The following CDK14 variants were observed in gnomAD, a reference collection of about 807,000 sequenced individuals.
CDK14 encodes cyclin dependent kinase 14, also known as cyclin-dependent kinase 14.
Under a neutral mutation model 60.7 loss-of-function variants are expected in CDK14, and 34 were observed. That is an observed-to-expected ratio of 0.56 (90% CI 0.43 to 0.75). CDK14 has a LOEUF of 0.75. Among genes scored for constraint, CDK14 ranks in the 30% least tolerant of loss-of-function variants. The probability of loss-of-function intolerance (pLI) is 0.00; values close to 1 mark genes in which losing one functional copy is unlikely to be tolerated. For synonymous variants in CDK14, 197 were observed against 203.7 expected (o/e 0.97, Z 0.28); for missense variants, 482 against 564.1 (o/e 0.85, Z 1.47).
At chr7:90,610,215 C>T (rs1166446322) in intron 2 of CDK14, among the ~76,000 whole-genome samples, 1 of 152,180 alleles carries the variant, frequency 6.6e-6, no homozygotes, top group Non-Finnish European at 1.5e-5. Flanking sequence ...TCCTCAATGG[C>T]CTTACCCCTT....
At chr7:91,006,920 A>T (rs1584223595) in intron 10 of CDK14, among the ~76,000 whole-genome samples, 1 of 152,000 alleles carries the variant, frequency 6.6e-6, no homozygotes, top group Non-Finnish European at 1.5e-5. Flanking sequence ...TATTTATCCC[A>T]CCTATTCCTG....
intron 4 of CDK14, among the ~76,000 whole-genome samples, chr7:90,774,031 G>T (rs973595422): frequency 6.6e-6 from 1 of 151,242 alleles, no homozygotes; most frequent in Non-Finnish European, 1.5e-5. Flanking sequence ...AGACTCCAGA[G>T]TAGCTGGAAT....
At chr7:91,179,263 C>G (rs1801903995) in intron 14 of CDK14, among the ~76,000 whole-genome samples, 2 of 148,498 alleles carry the variant, frequency 1.3e-5, no homozygotes, top group Non-Finnish European at 3.0e-5. Flanking sequence ...AACAAAAAAC[C>G]AAACCCCGCA....
intron 3 of CDK14, among the ~76,000 whole-genome samples, chr7:90,745,935 G>A (rs542159055): frequency 8.5e-5 from 13 of 152,282 alleles, no homozygotes; most frequent in African/African-American, 3.1e-4. Context: ...ACAGCTTGGG[G>A]GATGGGGAGA....
At chr7:91,057,343 G>C (rs901744994) in intron 11 of CDK14, among the ~76,000 whole-genome samples, 8,860 of 151,806 alleles carry the variant, frequency 0.058, 373 homozygotes, top group Middle Eastern at 0.16. Flanking sequence ...AATTTTCTCC[G>C]ATGCTGTAGG....
At chr7:91,084,797 T>C (rs973905107) in intron 12 of CDK14, among the ~76,000 whole-genome samples, 4 of 152,230 alleles carry the variant, frequency 2.6e-5, no homozygotes, top group Non-Finnish European at 4.4e-5. Context: ...GCCATTGCTT[T>C]TCATCCTTTC....
intron 5 of CDK14, among the ~76,000 whole-genome samples, chr7:90,798,682 C>T (rs1788527506): frequency 6.6e-6 from 1 of 152,220 alleles, no homozygotes; most frequent in South Asian, 2.1e-4. Flanking sequence ...GCGTAATTTT[C>T]ACCTCAAGTG....
chr7:90,757,208 C>CTGTGTGTGTG (rs1804100459), intron 4 of CDK14, among the ~76,000 whole-genome samples: 1 of 86,312 alleles, frequency 1.2e-5, no homozygotes, highest in Non-Finnish European at 2.5e-5. Context: ...GGCATTCTTC[C>CTGTGTGTGTG]AGTGTGTGTG....
intron 10 of CDK14, among the ~76,000 whole-genome samples, chr7:91,023,707 G>T (rs1447374245): frequency 6.6e-6 from 1 of 152,092 alleles, no homozygotes; most frequent in South Asian, 2.1e-4. Flanking sequence ...TGGGAAACAG[G>T]TGTTATCATT....
chr7:90,845,866 C>G (rs1790454349), intron 5 of CDK14, among the ~76,000 whole-genome samples: 4 of 152,114 alleles, frequency 2.6e-5, no homozygotes, highest in Admixed American at 6.6e-5. Flanking sequence ...TAGCTGTTCT[C>G]TTAAGCTCTC....
chr7:90,762,369 T>C (rs1804351903), intron 4 of CDK14, among the ~76,000 whole-genome samples: 1 of 152,168 alleles, frequency 6.6e-6, no homozygotes, highest in African/African-American at 2.4e-5. Context: ...CTCCCTCAAG[T>C]TGTAAGTAGG....
At chr7:90,783,578 C>A (rs1805436171) in intron 4 of CDK14, among the ~76,000 whole-genome samples, 1 of 152,010 alleles carries the variant, frequency 6.6e-6, no homozygotes, top group African/African-American at 2.4e-5. Context: ...AACAAAAATC[C>A]CCCCAAACCC....
chr7:90,875,037 G>A (rs1017944990), intron 6 of CDK14, among the ~76,000 whole-genome samples: 3 of 152,002 alleles, frequency 2.0e-5, no homozygotes, highest in Admixed American at 2.0e-4. Flanking sequence ...CTAACCCCCT[G>A]CTCCTGAACC....
intron 8 of CDK14, among the ~76,000 whole-genome samples, chr7:90,952,418 C>G (rs1794290197): frequency 6.6e-6 from 1 of 152,158 alleles, no homozygotes; most frequent in Non-Finnish European, 1.5e-5. Flanking sequence ...ATCCAAGATT[C>G]TGCTATGCTA....
chr7:91,198,000 A>T (rs1802601617), intron 14 of CDK14, among the ~76,000 whole-genome samples: 1 of 152,226 alleles, frequency 6.6e-6, no homozygotes, highest in African/African-American at 2.4e-5. Flanking sequence ...TGAAGCAGGT[A>T]CATGGGAGGG....
chr7:90,713,261 T>C (rs1802128909), intron 2 of CDK14, among the ~76,000 whole-genome samples: 1 of 152,138 alleles, frequency 6.6e-6, no homozygotes, highest in Non-Finnish European at 1.5e-5. Context: ...TCATTTATTT[T>C]CTGTCGACCA....
At chr7:90,875,238 T>G (rs1445321584) in intron 6 of CDK14, among the ~76,000 whole-genome samples, 1 of 152,242 alleles carries the variant, frequency 6.6e-6, no homozygotes, top group African/African-American at 2.4e-5. Context: ...GGATATACAT[T>G]TTATCTATTT....
chr7:91,155,508 T>C (rs1379128670), intron 14 of CDK14, among the ~76,000 whole-genome samples: 1 of 152,246 alleles, frequency 6.6e-6, no homozygotes, highest in Non-Finnish European at 1.5e-5. Context: ...TAGAATTCTT[T>C]TTATTCCATT....
At chr7:90,597,878 T>C (rs1487696792) in intron 1 of CDK14, among the ~76,000 whole-genome samples, 1 of 150,112 alleles carries the variant, frequency 6.7e-6, no homozygotes, top group East Asian at 2.0e-4. Context: ...TTTGTGTTGG[T>C]ATGCAAAATC....
Sources: allele counts gnomAD v4.1 joint callset (sites outside exome capture counted in the v4.1 genomes callset), GRCh38; gene constraint gnomAD v4.1.1; transcripts MANE v1.5; gene names NCBI Gene and HGNC (gene_info 2026-07-23, HGNC 2026-07-21).